Variants in CCM2L observed in about 807,000 individuals in gnomAD.
CCM2L encodes the protein cerebral cavernous malformations 2 protein-like.
CCM2L carries 36 observed loss-of-function variants against 54.1 expected under a neutral mutation model. The observed-to-expected ratio is 0.67, with a 90% CI of 0.51 to 0.88. The LOEUF is 0.88. Among genes scored for constraint, CCM2L ranks in the 40% least tolerant of loss-of-function variants. The pLI is 0.00. For synonymous variants in CCM2L, 351 were observed against 359.3 expected (o/e 0.98, Z 0.26); for missense variants, 700 against 812.1 (o/e 0.86, Z 1.68).
chr20:32,028,205 A>C (rs2064880960), intron 7 of CCM2L: 1 of 152,208 alleles, frequency 6.6e-6, no homozygotes, highest in Non-Finnish European at 1.5e-5. Context: ...TGGGAGGCTG[A>C]GGTGGGCAGA....
Position 32,031,278 on chromosome 20 carries a change from G to C in CCM2L, c.1680G>C (p.Arg560Ser), listed in dbSNP as rs2122382754. Residue 560 changes from arginine to serine, a missense_variant, in exon 10 of 10, where the codon AGG becomes AGC. Transcript: ENST00000452892. ...ACGAGGATGAGCCCCGGGGCTCCAG[G>C]GGCGGGAGCGACGCCGCAGAAGACA... is the stretch of plus-strand genomic sequence containing the variant. ...DDDEDEPRGS[R>S]GGSDAAEDNY... 1 of 1,291,136 alleles carries C rather than the reference G, an allele frequency of 7.7e-7. No homozygotes were observed. Among genetic ancestry groups the C allele is most frequent in the South Asian group, 1.2e-5 (1 of 80,924 alleles). The allele number at this position is 1,291,136 out of a possible 1,614,324, so 80.0% of individuals were successfully genotyped here. A position where few individuals can be genotyped will look rare whatever the true frequency, so the allele number is the denominator to read the frequency against.
rs1228882243 is a variant in CCM2L, at chr20:32,017,875, A to G, written c.274A>G (p.Thr92Ala). 1 of 1,613,518 alleles carries G rather than the reference A, an allele frequency of 6.2e-7. No homozygotes were observed. The highest frequency in any genetic ancestry group is 8.5e-7 in the Non-Finnish European group (1 of 1,179,902). The change falls in exon 3 of 10, where the codon ACC (threonine) becomes GCC (alanine). Residue 92 changes from threonine (T) to alanine (A), a missense_variant. Transcript: ENST00000452892. ...SRDELLQLLD[T>A]ARQLKELPLK... Reference sequence around the variant, plus strand: ...GGACGAGCTCCTGCAGCTGCTAGACACCGCCAGGGTGAGACTCTGGGGAGG... The same window carrying G: ...GGACGAGCTCCTGCAGCTGCTAGACGCCGCCAGGGTGAGACTCTGGGGAGG...
At chr20:32,018,877 C>A in intron 4 of CCM2L, 66 bp from the exon 5 acceptor site, 1 of 1,240,236 alleles carries the variant, frequency 8.1e-7, no homozygotes, top group Non-Finnish European at 1.0e-6. Context: ...GCCAGCCGGC[C>A]TCGGCGGGGC....
At chr20:32,024,915 A>G (rs2064839769) in intron 6 of CCM2L, among the ~76,000 whole-genome samples, 1 of 152,264 alleles carries the variant, frequency 6.6e-6, no homozygotes, top group Admixed American at 6.5e-5. Context: ...AACACTGATC[A>G]GAGATCAGAA....
intron 2 of CCM2L, among the ~76,000 whole-genome samples, chr20:32,017,447 C>G (rs2064749739): frequency 6.6e-6 from 1 of 152,160 alleles, no homozygotes; most frequent in East Asian, 1.9e-4. Context: ...AATCTTATAG[C>G]TAGATGACTA....
At chr20:32,021,962 C>A (rs186550011) in intron 5 of CCM2L, among the ~76,000 whole-genome samples, 145 of 152,242 alleles carry the variant, frequency 9.5e-4, no homozygotes, top group East Asian at 8.9e-3. Context: ...TTGTATCCAA[C>A]CATCCATTGT....
intron 1 of CCM2L, among the ~76,000 whole-genome samples, chr20:32,013,608 AT>A (rs57281825): frequency 0.1 from 14,922 of 146,532 alleles, 847 homozygotes; most frequent in African/African-American, 0.17. Context: ...CACCCGGCTA[AT>A]TTTTTTTTTT....
At chr20:32,022,919 A>G (rs918685406) in intron 6 of CCM2L, 124 bp downstream of exon 6, 1 of 1,027,998 alleles carries the variant, frequency 9.7e-7, no homozygotes, top group Non-Finnish European at 1.4e-6. Context: ...CCATAATTAC[A>G]GTGTACCCCA....
At chr20:32,010,560 T>TGGGGGGAAATGTGGGGGGGGGG in intron 1 of CCM2L, 76 bp downstream of exon 1, 1 of 105,748 alleles carries the variant, frequency 9.5e-6, no homozygotes, top group East Asian at 1.7e-4. Flanking sequence ...TGGGGCGGGG[T>TGGGGGGAAATGTGGGGGGGGGG]GGGGGGTCGG....
Position 32,029,669 on chromosome 20 carries a change from G to A in CCM2L, c.1264-31G>A, listed in dbSNP as rs749401099. 1.9e-6 allele frequency: 3 copies of A among 1,576,864 alleles called. No homozygotes were observed. The South Asian group carries it at 3.5e-5, about 18-fold the overall frequency. On this transcript the variant is annotated intron_variant, in intron 8 of 9. Coordinates refer to ENST00000452892, the MANE Select transcript of CCM2L (RefSeq NM_001365692.1). Reference sequence around the variant, plus strand: ...AGGGGTTGGGTGGCGCTGCTTCCTGGGATTGATCTCGAATGGTGTCCCCCA... The same window carrying A: ...AGGGGTTGGGTGGCGCTGCTTCCTGAGATTGATCTCGAATGGTGTCCCCCA...
At chr20:32,017,169 G>A (rs6061102) in intron 2 of CCM2L, among the ~76,000 whole-genome samples, 62,382 of 152,026 alleles carry the variant, frequency 0.41, 14,789 homozygotes, top group African/African-American at 0.66. Context: ...ATTATATTGA[G>A]TAACATTTAA....
At chr20:32,010,790 T>C (rs2064686936) in intron 1 of CCM2L, among the ~76,000 whole-genome samples, 1 of 151,888 alleles carries the variant, frequency 6.6e-6, no homozygotes, top group African/African-American at 2.4e-5. Context: ...TCCCCGCAGC[T>C]CCCTCCTGCA....
chr20:32,027,320 G>A (rs2064871789), intron 7 of CCM2L, among the ~76,000 whole-genome samples: 1 of 152,166 alleles, frequency 6.6e-6, no homozygotes, highest in Admixed American at 6.6e-5. Context: ...ATGCCCTTAG[G>A]CTAGTCTTTA....
chr20:32,029,591 AGAG>A, intron 8 of CCM2L, 106 bp from the exon 9 acceptor site: 1 of 1,394,484 alleles, frequency 7.2e-7, no homozygotes, highest in Non-Finnish European at 9.5e-7. Context: ...GAAGGTTTTC[AGAG>A]GAGAGCTGGA....
At position 32,018,060 on chromosome 20, in the gene CCM2L, TG is replaced by T. The variant is rs1568914306; in HGVS notation, c.366del (p.Trp122CysfsTer30). On this transcript the variant is annotated frameshift_variant, in exon 4 of 10. Coordinates refer to ENST00000452892, the MANE Select transcript of CCM2L (RefSeq NM_001365692.1). LOFTEE classifies it high-confidence loss of function. Reference protein sequence around the residue: ...SLSARCLLLTWRDNEELILRI... With the variant: ...SLSARCLLLTXRDNEELILRI... ...GTCTGCCCGCTGCCTGCTGCTCACCTGGCGCGACAATGAAGAGCTCATTCTG... is the reference window on the plus strand; with the variant it reads ...GTCTGCCCGCTGCCTGCTGCTCACCTGCGCGACAATGAAGAGCTCATTCTG... 1 of 1,613,652 alleles carries T rather than the reference TG, an allele frequency of 6.2e-7. No individual in the cohort carries two copies. The highest frequency in any genetic ancestry group is 1.7e-5 in the Admixed American group (1 of 60,006).
intron 1 of CCM2L, among the ~76,000 whole-genome samples, chr20:32,014,246 C>CAT (rs572945733): frequency 0.011 from 1,461 of 137,442 alleles, 25 homozygotes; most frequent in African/African-American, 0.034. Context: ...TATGTGTGTA[C>CAT]ATATATATAT....
At chr20:32,027,371 A>G (rs561058818) in intron 7 of CCM2L, among the ~76,000 whole-genome samples, 74 of 152,360 alleles carry the variant, frequency 4.9e-4, no homozygotes, top group African/African-American at 1.8e-3. Context: ...TAGTGATAAT[A>G]GCGTTTGAAC....
chr20:32,022,687 A>G lies in CCM2L; in HGVS notation c.961A>G (p.Ile321Val). Residue 321 changes from isoleucine (I) to valine (V), a missense_variant, in exon 6 of 10, where the codon ATC (isoleucine) becomes GTC (valine). Physicochemically the swap from Ile to Val is conservative, Grantham distance 29. Coordinates refer to ENST00000452892, the MANE Select transcript of CCM2L (RefSeq NM_001365692.1). ...CGCTGCAGAGGAGTCCTGCGCACTC[A>G]TCTGTCAGGTCTTCCAGATCATCTA... ...RDAAEESCAL[I>V]CQVFQIIYGD... 1 of 1,614,160 alleles carries G rather than the reference A, an allele frequency of 6.2e-7. No individual in the cohort carries two copies. The highest frequency in any genetic ancestry group is 1.7e-5 in the Admixed American group (1 of 60,022).
At chr20:32,015,662 T>C (rs2064735214) in intron 2 of CCM2L, among the ~76,000 whole-genome samples, 1 of 152,242 alleles carries the variant, frequency 6.6e-6, no homozygotes, top group Admixed American at 6.5e-5. Flanking sequence ...GTCTTTTTGA[T>C]AGTTCTTGTT....
Sources: gnomAD v4.1 joint callset for allele counts (sites outside exome capture counted in the v4.1 genomes callset) on GRCh38, gnomAD v4.1.1 for gene constraint, MANE v1.5 for transcripts, NCBI Gene and HGNC (gene_info 2026-07-23, HGNC 2026-07-21) for gene names.